The following PDE4B variants were observed in gnomAD, a reference collection of about 807,000 sequenced individuals.
PDE4B encodes 3',5'-cyclic-AMP phosphodiesterase 4B.
PDE4B carries 20 observed loss-of-function variants against 82.2 expected under a neutral mutation model. The observed-to-expected ratio is 0.24, with a 90% CI of 0.17 to 0.35. The LOEUF is 0.35. PDE4B is among the 10% of genes least tolerant of loss of function. The probability of loss-of-function intolerance (pLI) is 1.00; values close to 1 mark genes in which losing one functional copy is unlikely to be tolerated. For missense variants in PDE4B, 655 were observed against 907.2 expected (o/e 0.72, Z 3.57); for synonymous variants, 320 against 318.9 (o/e 1.00, Z -0.04).
At chr1:65,954,975 G>T (rs11809491) in intron 3 of PDE4B, among the ~76,000 whole-genome samples, 3,071 of 151,964 alleles carry the variant, frequency 0.02, 100 homozygotes, top group African/African-American at 0.07. Context: ...ATAAACTTCT[G>T]CCATATAATA....
At chr1:66,175,976 A>T (rs1646924574) in intron 3 of PDE4B, among the ~76,000 whole-genome samples, 2 of 152,210 alleles carry the variant, frequency 1.3e-5, no homozygotes, top group African/African-American at 4.8e-5. Context: ...AGAAAAAAAG[A>T]TTGATAAAGG....
chr1:66,296,329 C>T (rs1334355294), intron 7 of PDE4B, among the ~76,000 whole-genome samples: 4 of 152,126 alleles, frequency 2.6e-5, no homozygotes, highest in African/African-American at 9.7e-5. Context: ...GGGCTGACTT[C>T]TTGGTAAACT....
intron 3 of PDE4B, among the ~76,000 whole-genome samples, chr1:66,217,018 T>G (rs1159257233): frequency 6.6e-6 from 1 of 152,118 alleles, no homozygotes; most frequent in East Asian, 1.9e-4. Flanking sequence ...TACTCTCTTC[T>G]TACATCATCA....
rs115867863 is a variant in PDE4B, at chr1:66,134,000, G to A, written c.282-113460G>A. 3.8e-3 allele frequency among the ~76,000 whole-genome samples: 581 copies of A among 151,026 alleles called. 4 individuals carry two copies. Among genetic ancestry groups the A allele is most frequent in the African/African-American group, 0.013 (549 of 40,992 alleles). On this transcript the variant is annotated intron_variant, in intron 3 of 16. Coordinates refer to ENST00000341517, the MANE Select transcript of PDE4B (RefSeq NM_002600.4). ...AGGGAATAGGAAAAAGGCAGAGAGA[G>A]AAATGCATAGGTTGCTATCTCAAAA...
At chr1:66,327,589 T>G (rs1659831140) in intron 7 of PDE4B, among the ~76,000 whole-genome samples, 1 of 152,226 alleles carries the variant, frequency 6.6e-6, no homozygotes, top group South Asian at 2.1e-4. Flanking sequence ...ATTCTCTGAT[T>G]CTACCTTTCC....
intron 7 of PDE4B, among the ~76,000 whole-genome samples, chr1:66,276,307 T>TGTGG (rs1432855908): frequency 6.6e-6 from 1 of 152,238 alleles, no homozygotes; most frequent in Admixed American, 6.5e-5. Context: ...TCAGGAAGTA[T>TGTGG]GTGGGGCTCA....
intron 3 of PDE4B, among the ~76,000 whole-genome samples, chr1:66,124,435 G>C (rs1191225736): frequency 6.6e-6 from 1 of 152,154 alleles, no homozygotes; most frequent in Non-Finnish European, 1.5e-5. Flanking sequence ...AGTCTGCAGT[G>C]CTCCTATTTC....
At chr1:66,230,410 T>G (rs1040631928) in intron 3 of PDE4B, among the ~76,000 whole-genome samples, 2 of 152,214 alleles carry the variant, frequency 1.3e-5, no homozygotes, top group Non-Finnish European at 2.9e-5. Flanking sequence ...TTGGCAATGA[T>G]GATGTATTGG....
rs772305147 is a variant in PDE4B at position 66,247,512 on chromosome 1, G to A, written c.334G>A (p.Ala112Thr). 18 of 1,609,280 alleles carry A rather than the reference G, an allele frequency of 1.1e-5. 2 individuals are homozygous for A. The South Asian group carries it at 2.0e-4, about 18-fold the overall frequency. The change falls in exon 4 of 17, where the codon GCC becomes ACC. Residue 112 changes from alanine (A) to threonine (T), a missense_variant. Physicochemically the swap from Ala to Thr is moderately conservative, Grantham distance 58 (BLOSUM62 0). Transcript: ENST00000341517. ...AGGTCGGAGTCCACTGGATCCCCAGGCCAGCTCTTCCGCTGGGCTGGTACT... is the reference window on the plus strand; with the variant it reads ...AGGTCGGAGTCCACTGGATCCCCAGACCAGCTCTTCCGCTGGGCTGGTACT... The part of the protein sequence containing the change: ...SPGRSPLDPQ[A>T]SSSAGLVLHA...
chr1:65,875,546 C>T (rs567208841), intron 1 of PDE4B, among the ~76,000 whole-genome samples: 114 of 144,398 alleles, frequency 7.9e-4, no homozygotes, highest in African/African-American at 2.9e-3. Context: ...GACTTGGAAC[C>T]AACCCAAATG....
intron 3 of PDE4B, among the ~76,000 whole-genome samples, chr1:66,036,157 C>T (rs1425607107): frequency 6.6e-6 from 1 of 152,084 alleles, no homozygotes; most frequent in Admixed American, 6.6e-5. Context: ...AATTCCTTGC[C>T]CATTTTTAAA....
chr1:66,204,195 G>C (rs1461766777), intron 3 of PDE4B, among the ~76,000 whole-genome samples: 5 of 152,204 alleles, frequency 3.3e-5, no homozygotes, highest in African/African-American at 1.2e-4. Context: ...GCTGCCTGAT[G>C]GGTCCTCTGG....
intron 1 of PDE4B, among the ~76,000 whole-genome samples, chr1:65,826,158 G>C (rs1163995634): frequency 6.6e-6 from 1 of 152,048 alleles, no homozygotes; most frequent in Non-Finnish European, 1.5e-5. Context: ...GGAAAAGCTG[G>C]CTTATGGGAA....
chr1:66,085,432 A>T (rs1026816128), intron 3 of PDE4B, among the ~76,000 whole-genome samples: 1 of 152,186 alleles, frequency 6.6e-6, no homozygotes, highest in Non-Finnish European at 1.5e-5. Flanking sequence ...ATTGAGTTAA[A>T]AATGGAATTT....
In PDE4B at chr1:66,240,685, G is replaced by A. The variant is rs145844552; in HGVS notation, c.282-6775G>A. On this transcript the variant is annotated intron_variant, in intron 3 of 16. Coordinates refer to ENST00000341517, the MANE Select transcript of PDE4B (RefSeq NM_002600.4). The stretch of plus-strand genomic sequence containing the variant: ...TCCATACACTGCTGTATTCTCAGGC[G>A]GAGAACAGTGCCTTGTTTCATAGTG... 4.8e-3 allele frequency among the ~76,000 whole-genome samples: 726 copies of A among 152,286 alleles called. 2 individuals are homozygous for A. The highest frequency in any genetic ancestry group is 6.7e-3 in the Non-Finnish European group (457 of 68,030).
intron 3 of PDE4B, among the ~76,000 whole-genome samples, chr1:66,095,883 A>G (rs1645104262): frequency 6.6e-6 from 1 of 151,868 alleles, no homozygotes; most frequent in African/African-American, 2.4e-5. Flanking sequence ...TAAATATTTT[A>G]TTTTATACTT....
At chr1:66,279,901 G>T (rs1656170420) in intron 7 of PDE4B, among the ~76,000 whole-genome samples, 1 of 152,076 alleles carries the variant, frequency 6.6e-6, no homozygotes, top group African/African-American at 2.4e-5. Flanking sequence ...TAAGTCTATT[G>T]ATTGTAGATG....
intron 3 of PDE4B, among the ~76,000 whole-genome samples, chr1:65,922,284 C>A (rs1647276219): frequency 6.6e-6 from 1 of 152,154 alleles, no homozygotes; most frequent in South Asian, 2.1e-4. Flanking sequence ...ATGCATGTAG[C>A]ACAATCACTT....
At chr1:66,275,342 G>A (rs894296189) in intron 7 of PDE4B, among the ~76,000 whole-genome samples, 4 of 152,134 alleles carry the variant, frequency 2.6e-5, no homozygotes, top group African/African-American at 9.7e-5. Context: ...GCAGGGAGTA[G>A]CGCTAGGAGC....
Sources: gnomAD v4.1 joint callset for allele counts (sites outside exome capture counted in the v4.1 genomes callset) on GRCh38, gnomAD v4.1.1 for gene constraint, MANE v1.5 for transcripts, NCBI Gene and HGNC (gene_info 2026-07-23, HGNC 2026-07-21) for gene names.